Variants in CUX2 observed in about 807,000 individuals in gnomAD.
CUX2 encodes cut like homeobox 2, also known as homeobox protein cut-like 2.
Under a neutral mutation model 144.8 loss-of-function variants are expected in CUX2, and 40 were observed. The observed-to-expected ratio is 0.28, with a 90% confidence interval of 0.21 to 0.36. The LOEUF (loss-of-function observed/expected upper bound fraction) is 0.36, where lower values mean the gene tolerates loss of function less well. Among genes scored for constraint, CUX2 ranks in the 10% least tolerant of loss-of-function variants. CUX2 has a pLI of 1.00. For synonymous variants in CUX2, 827 were observed against 875.6 expected (o/e 0.94, Z 0.98); for missense variants, 1,615 against 1,994.0 (o/e 0.81, Z 3.62).
rs978638617 is a variant in CUX2, at chr12:111,180,689, C to G, written c.64-33511C>G. ...CTGAGGCCTCCAGTCCTCTCCTCTC[C>G]TGGACCTCTCAGCTCCTGCAGCTGT... On this transcript the variant is annotated intron_variant, in intron 1 of 21. Transcript: ENST00000261726. Among the ~76,000 whole-genome samples, 660 of 152,332 alleles carry G rather than the reference C, an allele frequency of 4.3e-3. 4 individuals are homozygous for G. Among genetic ancestry groups the G allele is most frequent in the African/African-American group, 0.015 (614 of 41,584 alleles).
At chr12:111,239,082 G>A (rs1281921705) in intron 3 of CUX2, among the ~76,000 whole-genome samples, 1 of 152,042 alleles carries the variant, frequency 6.6e-6, no homozygotes, top group Non-Finnish European at 1.5e-5. Flanking sequence ...ATTTACAGGT[G>A]CAGACACTCA....
At position 111,311,399 on chromosome 12, in the gene CUX2, T is replaced by A. The variant is rs371545329; in HGVS notation, c.1901-701T>A. Among the ~76,000 whole-genome samples, 34 of 152,164 alleles carry A rather than the reference T, an allele frequency of 2.2e-4. No homozygotes were observed. The East Asian group carries it at 6.4e-3, about 29-fold the overall frequency. ...GCCTCCTGGGTTAAAGCAATTCTGCTGTCTCAGCCTCCCTAGTAGCTGGGA... is the reference window on the plus strand; with the variant it reads ...GCCTCCTGGGTTAAAGCAATTCTGCAGTCTCAGCCTCCCTAGTAGCTGGGA... On this transcript the variant is annotated intron_variant, in intron 15 of 21. Transcript: ENST00000261726.
intron 1 of CUX2, among the ~76,000 whole-genome samples, chr12:111,058,015 A>C (rs1027275395): frequency 6.6e-6 from 1 of 152,142 alleles, no homozygotes; most frequent in Non-Finnish European, 1.5e-5. Flanking sequence ...TAAATATGCA[A>C]TTTTTCACGG....
intron 1 of CUX2, among the ~76,000 whole-genome samples, chr12:111,087,394 A>G (rs902267895): frequency 1.5e-4 from 22 of 143,018 alleles, no homozygotes; most frequent in African/African-American, 4.9e-4. Flanking sequence ...AAAAAAAAAA[A>G]GAAAGAAAAG....
At chr12:111,173,594 A>T (rs1234100463) in intron 1 of CUX2, among the ~76,000 whole-genome samples, 1 of 152,182 alleles carries the variant, frequency 6.6e-6, no homozygotes, top group Non-Finnish European at 1.5e-5. Context: ...ATAGTGCTTC[A>T]TAGAGGTGAG....
intron 1 of CUX2, among the ~76,000 whole-genome samples, chr12:111,152,189 GCA>G (rs1877091495): frequency 6.6e-6 from 1 of 152,134 alleles, no homozygotes; most frequent in South Asian, 2.1e-4. Flanking sequence ...GGAGGCTGAG[GCA>G]GGAGAATCAC....
intron 3 of CUX2, among the ~76,000 whole-genome samples, chr12:111,221,275 C>T (rs1881844367): frequency 6.6e-6 from 1 of 152,182 alleles, no homozygotes; most frequent in African/African-American, 2.4e-5. Context: ...GCCATTGTGG[C>T]CTCTGTGTCC....
chr12:111,099,146 G>A (rs1415779043), intron 1 of CUX2, among the ~76,000 whole-genome samples: 1 of 152,248 alleles, frequency 6.6e-6, no homozygotes, highest in African/African-American at 2.4e-5. Context: ...GCTCAGCAGT[G>A]TGGAAGGAAG....
At chr12:111,143,389 G>A (rs932060376) in intron 1 of CUX2, among the ~76,000 whole-genome samples, 4 of 152,168 alleles carry the variant, frequency 2.6e-5, no homozygotes, top group Non-Finnish European at 5.9e-5. Context: ...ATTTTTCACA[G>A]AGCCCTGTCA....
intron 1 of CUX2, among the ~76,000 whole-genome samples, chr12:111,126,094 T>C (rs1449090082): frequency 6.7e-6 from 1 of 150,142 alleles, no homozygotes; most frequent in Non-Finnish European, 1.5e-5. Flanking sequence ...TCATGGAGGC[T>C]GAGAAGTCCC....
chr12:111,292,903 A>G (rs1340937785), intron 5 of CUX2, among the ~76,000 whole-genome samples: 1 of 152,164 alleles, frequency 6.6e-6, no homozygotes, highest in East Asian at 1.9e-4. Context: ...CGGGCAGATC[A>G]CTTGAGGTCA....
chr12:111,115,746 CTT>C (rs1380247947), intron 1 of CUX2, among the ~76,000 whole-genome samples: 4 of 152,092 alleles, frequency 2.6e-5, no homozygotes, highest in African/African-American at 9.7e-5. Flanking sequence ...GGTGCCCCCT[CTT>C]TTTCTTCTTG....
At chr12:111,259,031 C>CTG (rs57814010) in intron 3 of CUX2, among the ~76,000 whole-genome samples, 12,121 of 132,092 alleles carry the variant, frequency 0.092, 364 homozygotes, top group African/African-American at 0.11. Flanking sequence ...CCACACCCAG[C>CTG]TGTGTGTGTG....
At chr12:111,133,765 A>AG (rs796247201) in intron 1 of CUX2, among the ~76,000 whole-genome samples, 2 of 152,132 alleles carry the variant, frequency 1.3e-5, no homozygotes, top group African/African-American at 4.8e-5. Context: ...CAGCTACCTC[A>AG]GGGGAGGCTG....
intron 1 of CUX2, among the ~76,000 whole-genome samples, chr12:111,148,318 T>G (rs992446989): frequency 6.0e-5 from 9 of 149,952 alleles, no homozygotes; most frequent in Admixed American, 5.3e-4. Flanking sequence ...AGGAGGTCCC[T>G]AGAGTAGTCA....
At chr12:111,228,107 C>G (rs1882259239) in intron 3 of CUX2, among the ~76,000 whole-genome samples, 1 of 152,182 alleles carries the variant, frequency 6.6e-6, no homozygotes, top group Non-Finnish European at 1.5e-5. Context: ...GTGCAGTGCC[C>G]TGGGGATAGG....
intron 19 of CUX2, among the ~76,000 whole-genome samples, chr12:111,337,774 G>T (rs566886413): frequency 6.6e-6 from 1 of 152,194 alleles, no homozygotes; most frequent in Non-Finnish European, 1.5e-5. Flanking sequence ...AGTGGCTCAC[G>T]CCTGTAATTG....
chr12:111,240,512 C>T (rs923542025), intron 3 of CUX2, among the ~76,000 whole-genome samples: 5 of 152,234 alleles, frequency 3.3e-5, no homozygotes, highest in Non-Finnish European at 7.3e-5. Context: ...TGAGTATCAC[C>T]GGTCTAGCCT....
chr12:111,345,444 C>CA (rs34883804), intron 21 of CUX2, among the ~76,000 whole-genome samples: 1,573 of 60,444 alleles, frequency 0.026, 53 homozygotes, highest in African/African-American at 0.07. Context: ...GACTCCATCT[C>CA]AAAAAAAAAA....
Sources: gnomAD v4.1 joint callset for allele counts (sites outside exome capture counted in the v4.1 genomes callset) on GRCh38, gnomAD v4.1.1 for gene constraint, MANE v1.5 for transcripts, NCBI Gene and HGNC (gene_info 2026-07-23, HGNC 2026-07-21) for gene names.